Variants in SGCD observed in about 807,000 individuals in gnomAD.
The protein encoded by SGCD is sarcoglycan delta.
Under a neutral mutation model 36.6 loss-of-function variants are expected in SGCD, and 18 were observed. The ratio of observed to expected loss-of-function variants is 0.49; its 90% CI spans 0.34 to 0.73. The LOEUF (loss-of-function observed/expected upper bound fraction) is 0.73, where lower values mean the gene tolerates loss of function less well. SGCD is among the 30% of genes least tolerant of loss of function. SGCD has a pLI of 0.01. For missense variants in SGCD, 387 were observed against 346.7 expected (o/e 1.12, Z -0.92); for synonymous variants, 133 against 130.6 (o/e 1.02, Z -0.12).
intron 7 of SGCD, among the ~76,000 whole-genome samples, chr5:156,719,186 G>A (rs1427416168): frequency 6.6e-6 from 1 of 152,090 alleles, no homozygotes; most frequent in Non-Finnish European, 1.5e-5. Flanking sequence ...AGGCCAGCAG[G>A]TGGAGACCCA....
intron 7 of SGCD, among the ~76,000 whole-genome samples, chr5:156,756,456 C>T (rs1757338143): frequency 6.6e-6 from 1 of 152,186 alleles, no homozygotes; most frequent in Admixed American, 6.5e-5. Flanking sequence ...CAGAGGATCA[C>T]TTAAGCACAG....
At chr5:156,438,016 C>T (rs999386799) in intron 3 of SGCD, among the ~76,000 whole-genome samples, 1 of 152,128 alleles carries the variant, frequency 6.6e-6, no homozygotes, top group Non-Finnish European at 1.5e-5. Flanking sequence ...AAGCATGCTA[C>T]CTGGAGGATA....
chr5:156,236,488 C>T (rs768819296), intron 3 of SGCD, among the ~76,000 whole-genome samples: 3 of 148,102 alleles, frequency 2.0e-5, no homozygotes, highest in Non-Finnish European at 4.4e-5. Context: ...CTCGCTCTGT[C>T]ACCCAGGCTG....
At chr5:155,853,481 A>G in the SGCD span, among the ~76,000 whole-genome samples, 1 of 152,270 alleles carries the variant, frequency 6.6e-6, no homozygotes, top group African/African-American at 2.4e-5. Flanking sequence ...ACAATTGTTG[A>G]CATGCCTCTT....
intron 4 of SGCD, among the ~76,000 whole-genome samples, chr5:156,539,133 G>A (rs1355307433): frequency 6.6e-6 from 1 of 152,012 alleles, no homozygotes; most frequent in Non-Finnish European, 1.5e-5. Flanking sequence ...CGTGTATTGA[G>A]TGGTCCTTCT....
intron 1 of SGCD, among the ~76,000 whole-genome samples, chr5:156,101,458 A>G (rs1347257542): frequency 6.6e-6 from 1 of 152,212 alleles, no homozygotes; most frequent in Non-Finnish European, 1.5e-5. Flanking sequence ...GGTGCAGAGA[A>G]TATTGTTTAA....
chr5:156,369,233 A>G (rs1345125806), intron 3 of SGCD, among the ~76,000 whole-genome samples: 2 of 152,132 alleles, frequency 1.3e-5, no homozygotes, highest in East Asian at 1.9e-4. Context: ...CATAGTTGAT[A>G]CTCCATAAGG....
intron 6 of SGCD, among the ~76,000 whole-genome samples, chr5:156,616,967 C>A (rs906037732): frequency 1.3e-5 from 2 of 152,028 alleles, no homozygotes; most frequent in African/African-American, 4.8e-5. Context: ...ACTATCTGGC[C>A]CTTTACAAAA....
the SGCD span, among the ~76,000 whole-genome samples, chr5:155,790,061 A>G: frequency 3.9e-5 from 6 of 152,108 alleles, no homozygotes; most frequent in Admixed American, 1.3e-4. Flanking sequence ...AAAAAAATGC[A>G]TATGATGTTG....
chr5:156,622,842 G>C (rs911811346), intron 6 of SGCD, among the ~76,000 whole-genome samples: 2 of 152,038 alleles, frequency 1.3e-5, no homozygotes, highest in African/African-American at 4.8e-5. Context: ...GTGTCTCTGA[G>C]GAAAGAACGG....
upstream of SGCD, among the ~76,000 whole-genome samples, chr5:156,324,470 T>C (rs975826891): frequency 6.6e-6 from 1 of 152,186 alleles, no homozygotes; most frequent in Non-Finnish European, 1.5e-5. Flanking sequence ...CTTTTGGCTA[T>C]ATTTTTCAAG....
intron 1 of SGCD, among the ~76,000 whole-genome samples, chr5:155,886,458 T>C (rs2113304995): frequency 6.6e-6 from 1 of 152,164 alleles, no homozygotes; most frequent in South Asian, 2.1e-4. Context: ...ATGGGTTTAT[T>C]TGGTACAAAC....
the SGCD span, among the ~76,000 whole-genome samples, chr5:155,810,502 A>G: frequency 4.6e-5 from 7 of 152,076 alleles, no homozygotes; most frequent in African/African-American, 7.2e-5. Context: ...ATATTTATTT[A>G]TTTATTTATT....
chr5:156,048,404 T>A (rs1378266871), intron 1 of SGCD, among the ~76,000 whole-genome samples: 2 of 152,182 alleles, frequency 1.3e-5, no homozygotes, highest in Non-Finnish European at 2.9e-5. Context: ...CCACACTGAC[T>A]TCCACAATGG....
At chr5:156,321,760 C>T (rs1266365220), upstream of SGCD, among the ~76,000 whole-genome samples, 1 of 152,096 alleles carries the variant, frequency 6.6e-6, no homozygotes, top group Non-Finnish European at 1.5e-5. Flanking sequence ...GTCTTACCAC[C>T]CAAAGGAGAG....
At chr5:156,435,661 C>G (rs1282384402) in intron 3 of SGCD, among the ~76,000 whole-genome samples, 1 of 152,162 alleles carries the variant, frequency 6.6e-6, no homozygotes, top group Non-Finnish European at 1.5e-5. Context: ...TTTGCAAGTT[C>G]TGTATCCTGT....
Position 156,607,940 on chromosome 5 carries a change from C to A in SGCD, c.502+12889C>A, listed in dbSNP as rs898993693. Among the ~76,000 whole-genome samples the A allele has an allele frequency of 2.6e-5, 4 of 151,976 alleles. No homozygotes were observed. The East Asian group carries it at 5.8e-4, about 22-fold the overall frequency. On this transcript the variant is annotated intron_variant, in intron 6 of 8. Transcript: ENST00000337851. ...GTCTATTTGATTCTTCTCTTTTCTTCTTGGTTAGTCTTGCTAGTGGTCTAT... is the reference window on the plus strand; with the variant it reads ...GTCTATTTGATTCTTCTCTTTTCTTATTGGTTAGTCTTGCTAGTGGTCTAT...
intron 6 of SGCD, among the ~76,000 whole-genome samples, chr5:156,611,524 A>C (rs1012235580): frequency 2.0e-5 from 3 of 152,136 alleles, no homozygotes; most frequent in Non-Finnish European, 2.9e-5. Flanking sequence ...CATTTTTCTT[A>C]AAGCTTTTAG....
At chr5:156,279,384 C>T (rs1766390844) in intron 3 of SGCD, among the ~76,000 whole-genome samples, 1 of 152,044 alleles carries the variant, frequency 6.6e-6, no homozygotes. Context: ...TGTTAGCAAG[C>T]CTAACACTTA....
Sources: gnomAD v4.1 joint callset for allele counts (sites outside exome capture counted in the v4.1 genomes callset) on GRCh38, gnomAD v4.1.1 for gene constraint, MANE v1.5 for transcripts, NCBI Gene and HGNC (gene_info 2026-07-23, HGNC 2026-07-21) for gene names.